The following OR51B5 variants were observed in gnomAD, a reference collection of about 807,000 sequenced individuals.
OR51B5 encodes olfactory receptor family 51 subfamily B member 5, also known as olfactory receptor 51B5.
For synonymous variants in OR51B5, 186 were observed against 144.8 expected (o/e 1.28, Z -2.04); for missense variants, 456 against 374.6 (o/e 1.22, Z -1.79).
chr11:5,396,982 G>A (rs1849883320), intron 1 of OR51B5, among the ~76,000 whole-genome samples: 1 of 152,162 alleles, frequency 6.6e-6, no homozygotes, highest in East Asian at 1.9e-4. Context: ...AAATGGTGCT[G>A]GGAAAACTGG....
intron 1 of OR51B5, among the ~76,000 whole-genome samples, chr11:5,491,520 G>A (rs1244752773): frequency 1.3e-5 from 2 of 152,196 alleles, no homozygotes; most frequent in Admixed American, 1.3e-4. Context: ...CAATGGTGCA[G>A]GAAGGAGACA....
Position 5,380,404 on chromosome 11 carries a change from C to G in OR51B5, n.85-33494G>C, listed in dbSNP as rs553314300. On this transcript the variant is annotated intron_variant and non_coding_transcript_variant, in intron 1 of 4. Coordinates refer to the OR51B5 transcript ENST00000415970. ...GTGGGTCTCTCCAGTCTGAAAGACC[C>G]GCATCGATCTCACACCACAAAATGG... 2.9e-4 allele frequency among the ~76,000 whole-genome samples: 44 copies of G among 152,252 alleles called. No individual in the cohort carries two copies. The South Asian group carries it at 8.9e-3, about 31-fold the overall frequency.
intron 1 of OR51B5, among the ~76,000 whole-genome samples, chr11:5,365,897 G>A (rs1213966783): frequency 6.6e-6 from 1 of 152,132 alleles, no homozygotes; most frequent in African/African-American, 2.4e-5. Flanking sequence ...TACCTCTTGG[G>A]TTCTGAAGGG....
intron 1 of OR51B5, among the ~76,000 whole-genome samples, chr11:5,366,567 C>T (rs1433996328): frequency 6.6e-6 from 1 of 151,660 alleles, no homozygotes; most frequent in Non-Finnish European, 1.5e-5. Flanking sequence ...CGAGATCGCG[C>T]CATTGCACTC....
At chr11:5,367,661 A>G (rs1849390781) in intron 1 of OR51B5, among the ~76,000 whole-genome samples, 1 of 152,008 alleles carries the variant, frequency 6.6e-6, no homozygotes, top group East Asian at 1.9e-4. Context: ...CTCTTATCTC[A>G]TCCTGTGACT....
At chr11:5,471,350 C>G (rs1277299131) in intron 1 of OR51B5, among the ~76,000 whole-genome samples, 3 of 152,054 alleles carry the variant, frequency 2.0e-5, no homozygotes, top group Non-Finnish European at 4.4e-5. Context: ...AAATATTGAT[C>G]AAATAGGCCA....
chr11:5,422,339 A>G, intron 1 of OR51B5: 1 of 1,614,018 alleles, frequency 6.2e-7, no homozygotes, highest in Non-Finnish European at 8.5e-7. Context: ...CAATACCACC[A>G]TCCTCACTGT....
intron 1 of OR51B5, among the ~76,000 whole-genome samples, chr11:5,384,321 A>G (rs1361720940): frequency 6.6e-6 from 1 of 152,186 alleles, no homozygotes; most frequent in Non-Finnish European, 1.5e-5. Flanking sequence ...ATAAGTGTGA[A>G]CCACCATATA....
intron 1 of OR51B5, chr11:5,440,489 C>G (rs1181184948): frequency 1.1e-6 from 1 of 929,890 alleles, no homozygotes; most frequent in Non-Finnish European, 1.7e-6. Context: ...GGGTCCTCTT[C>G]ATCCTTACTT....
chr11:5,386,351 C>A (rs1293885262), intron 1 of OR51B5, among the ~76,000 whole-genome samples: 1 of 152,122 alleles, frequency 6.6e-6, no homozygotes, highest in East Asian at 1.9e-4. Context: ...CATAGAGAGA[C>A]AAAGGTTCAT....
chr11:5,460,085 T>C (rs1166558553), intron 1 of OR51B5, among the ~76,000 whole-genome samples: 5 of 152,084 alleles, frequency 3.3e-5, no homozygotes, highest in African/African-American at 1.2e-4. Flanking sequence ...CATGAGATCA[T>C]GTCCTTTTCA....
intron 1 of OR51B5, chr11:5,454,492 A>G (rs1341908061): frequency 4.7e-6 from 6 of 1,264,432 alleles, no homozygotes; most frequent in Non-Finnish European, 5.5e-6. Flanking sequence ...CATCGTCATC[A>G]TCATCATCAA....
At chr11:5,411,234 A>G (rs765834862) in intron 1 of OR51B5, among the ~76,000 whole-genome samples, 1 of 152,168 alleles carries the variant, frequency 6.6e-6, no homozygotes, top group Non-Finnish European at 1.5e-5. Flanking sequence ...ATTTTTTACT[A>G]TACCTTTTCT....
intron 1 of OR51B5, among the ~76,000 whole-genome samples, chr11:5,375,226 C>G (rs1408136193): frequency 6.7e-6 from 1 of 148,672 alleles, no homozygotes; most frequent in Non-Finnish European, 1.5e-5. Flanking sequence ...TAATATCCAG[C>G]CAAACTAAGC....
At chr11:5,347,125 T>C (rs192274775), upstream of OR51B5, among the ~76,000 whole-genome samples, 79 of 152,318 alleles carry the variant, frequency 5.2e-4, no homozygotes, top group East Asian at 0.014. Context: ...GTAGGACCTT[T>C]ATGTGTGGGG....
At chr11:5,439,270 G>A (rs371648885) in intron 1 of OR51B5, among the ~76,000 whole-genome samples, 25 of 152,222 alleles carry the variant, frequency 1.6e-4, no homozygotes, top group African/African-American at 5.8e-4. Context: ...TGGAAATTGT[G>A]TATCAAATTC....
chr11:5,424,402 G>A (rs534723556), intron 1 of OR51B5, among the ~76,000 whole-genome samples: 2 of 152,248 alleles, frequency 1.3e-5, no homozygotes, highest in South Asian at 4.2e-4. Flanking sequence ...AGATGAAAGA[G>A]TCCTGCTACC....
Position 5,423,200 on chromosome 11 carries a change from A to G in OR51B5, n.85-76290T>C, listed in dbSNP as rs1564808909. 3 of 1,490,920 alleles carry G rather than the reference A, an allele frequency of 2.0e-6. No individual in the cohort carries two copies. In the Middle Eastern group the frequency reaches 5.6e-4, roughly 278 times the overall value. The allele number at this position is 1,490,920 out of a possible 1,614,324, so 92.4% of individuals were successfully genotyped here. A position where few individuals can be genotyped will look rare whatever the true frequency, so the allele number is the denominator to read the frequency against. On this transcript the variant is annotated intron_variant and non_coding_transcript_variant, in intron 1 of 4. Transcript: ENST00000415970. ...ACTGACAAGTATGAGTCATAGGCTT[A>G]AGGGGGGAATATATTCAGAATTAGG...
intron 1 of OR51B5, among the ~76,000 whole-genome samples, chr11:5,384,449 A>G (rs1054828956): frequency 1.3e-4 from 20 of 152,254 alleles, no homozygotes; most frequent in African/African-American, 4.8e-4. Flanking sequence ...CAGAGAAAGA[A>G]CAGAAAACAG....
Sources: gnomAD v4.1 joint callset for allele counts (sites outside exome capture counted in the v4.1 genomes callset) on GRCh38, gnomAD v4.1.1 for gene constraint, MANE v1.5 for transcripts, NCBI Gene and HGNC (gene_info 2026-07-23, HGNC 2026-07-21) for gene names.